Variants in SERPINB7 observed in about 807,000 individuals in gnomAD.
The protein encoded by SERPINB7 is serpin B7.
In SERPINB7, 31 loss-of-function variants were observed where a neutral mutation model predicts 37.4. That is an observed-to-expected ratio of 0.83 (90% CI 0.62 to 1.12). The LOEUF is 1.12. Ranked by LOEUF, SERPINB7 falls within the 50% of genes most tolerant of loss-of-function variation. The probability of loss-of-function intolerance (pLI) is 0.00; values close to 1 mark genes in which losing one functional copy is unlikely to be tolerated. For synonymous variants in SERPINB7, 163 were observed against 166.1 expected (o/e 0.98, Z 0.14); for missense variants, 521 against 455.3 (o/e 1.14, Z -1.31).
intron 7 of SERPINB7, 73 bp from the exon 8 acceptor site, chr18:63,804,164 G>A: frequency 1.8e-6 from 2 of 1,089,496 alleles, no homozygotes; most frequent in South Asian, 1.6e-5. Context: ...AGAAAACTAT[G>A]TATCTCTGTA....
chr18:63,762,398 A>G (rs2144586786), intron 1 of SERPINB7, among the ~76,000 whole-genome samples: 1 of 152,336 alleles, frequency 6.6e-6, no homozygotes, highest in South Asian at 2.1e-4. Context: ...TTGTAGGTTG[A>G]TTCAGAACTC....
chr18:63,792,314 T>A, intron 2 of SERPINB7, 79 bp from the exon 3 acceptor site: 1 of 1,049,272 alleles, frequency 9.5e-7, no homozygotes, highest in Non-Finnish European at 1.5e-6. Context: ...GAAAGAATAT[T>A]TTTATTTTTA....
At chr18:63,770,559 C>T (rs1004279772), upstream of SERPINB7, among the ~76,000 whole-genome samples, 1 of 151,924 alleles carries the variant, frequency 6.6e-6, no homozygotes, top group Non-Finnish European at 1.5e-5. Flanking sequence ...AACTTTTACT[C>T]AGGAATTAAT....
upstream of SERPINB7, among the ~76,000 whole-genome samples, chr18:63,772,041 C>T (rs147075641): frequency 4.8e-4 from 73 of 151,604 alleles, no homozygotes; most frequent in African/African-American, 1.6e-3. Flanking sequence ...TCGGCAGGGA[C>T]GTTGTATAGA....
At chr18:63,789,397 AATTATAATGATG>A (rs2049404020) in intron 2 of SERPINB7, among the ~76,000 whole-genome samples, 1 of 152,212 alleles carries the variant, frequency 6.6e-6, no homozygotes, top group Non-Finnish European at 1.5e-5. Flanking sequence ...AGGATGAAAC[AATTATAATGATG>A]TAGTCCAAAG....
chr18:63,761,100 G>C (rs2049151160), intron 1 of SERPINB7, among the ~76,000 whole-genome samples: 1 of 152,212 alleles, frequency 6.6e-6, no homozygotes. Context: ...GGCCATGAAA[G>C]CAGCTGGGAG....
chr18:63,758,432 C>T (rs1017176947), intron 1 of SERPINB7, among the ~76,000 whole-genome samples: 1 of 152,176 alleles, frequency 6.6e-6, no homozygotes, highest in African/African-American at 2.4e-5. Context: ...AGCAAAAATT[C>T]ATGAACCCTT....
At chr18:63,759,206 T>A (rs927901770) in intron 1 of SERPINB7, among the ~76,000 whole-genome samples, 2 of 152,080 alleles carry the variant, frequency 1.3e-5, no homozygotes, top group Non-Finnish European at 2.9e-5. Flanking sequence ...GTTTAACTAT[T>A]AAATGTATTG....
At chr18:63,790,617 G>A (rs1317684361) in intron 2 of SERPINB7, among the ~76,000 whole-genome samples, 5 of 152,082 alleles carry the variant, frequency 3.3e-5, no homozygotes, top group South Asian at 4.1e-4. Context: ...GGATAATATC[G>A]AATATTAGAG....
At position 63,792,401 on chromosome 18, in the gene SERPINB7, T is replaced by C; in HGVS notation, c.177T>C (p.His59=). 1 of 1,602,554 alleles carries C rather than the reference T, an allele frequency of 6.2e-7. No homozygotes were observed. The highest frequency in any genetic ancestry group is 8.6e-7 in the Non-Finnish European group (1 of 1,169,542). The change falls in exon 3 of 8, where the codon CAT becomes CAC. Residue 59 remains histidine, a synonymous_variant. Transcript: ENST00000398019. ...TTGTGCCCTGTTTACAGTTGCTTCA[T>C]GTTAACACTGCCTCAGGATATGGAA... The part of the protein sequence containing the change: ...DSLSQIDKLL[H]VNTASGYGNS...
chr18:63,753,459 T>C (rs1670007804), intron 1 of SERPINB7, among the ~76,000 whole-genome samples: 1 of 152,244 alleles, frequency 6.6e-6, no homozygotes, highest in Admixed American at 6.5e-5. Flanking sequence ...GACGGCTGAA[T>C]AGACCCCTAA....
intron 2 of SERPINB7, among the ~76,000 whole-genome samples, chr18:63,782,861 G>T (rs1274703537): frequency 1.3e-5 from 2 of 152,082 alleles, no homozygotes; most frequent in Non-Finnish European, 2.9e-5. Flanking sequence ...AATGCTGGCC[G>T]GGCGCGGTGG....
chr18:63,804,616 G>A lies in SERPINB7; in HGVS notation c.1124G>A (p.Gly375Asp), dbSNP rs1263955456. The change falls in exon 8 of 8, where the codon GGC (glycine) becomes GAC (aspartate). Residue 375 changes from glycine (G) to aspartate (D), a missense_variant. Gly to Asp is a moderately conservative substitution (Grantham distance 94, BLOSUM62 -1). Transcript: ENST00000398019. ...AAGGATGACATCATCTTATTCAGTG[G>A]CAAAGTTTCTTGCCCTTGAAAATCC... ...IRKDDIILFS[G>D]KVSCP 6.2e-7 allele frequency: 1 copy of A among 1,608,974 alleles called. No individual in the cohort carries two copies. The highest frequency in any genetic ancestry group is 8.5e-7 in the Non-Finnish European group (1 of 1,177,210).
intron 2 of SERPINB7, among the ~76,000 whole-genome samples, chr18:63,783,898 G>C (rs1461948573): frequency 2.0e-5 from 3 of 152,018 alleles, no homozygotes; most frequent in Non-Finnish European, 4.4e-5. Flanking sequence ...ATTTAAGCTA[G>C]AATAATTCCT....
At chr18:63,780,728 T>C (rs2049293589) in intron 1 of SERPINB7, among the ~76,000 whole-genome samples, 1 of 152,190 alleles carries the variant, frequency 6.6e-6, no homozygotes, top group Admixed American at 6.5e-5. Context: ...CTTATGTGCC[T>C]AGGGTGTAAC....
chr18:63,771,938 C>T (rs1489551268), upstream of SERPINB7, among the ~76,000 whole-genome samples: 2 of 151,492 alleles, frequency 1.3e-5, no homozygotes, highest in Admixed American at 6.6e-5. Flanking sequence ...CATAGGCACC[C>T]TAGGATCTAT....
At chr18:63,777,812 A>T (rs2049263433) in intron 1 of SERPINB7, 1 of 152,100 alleles carries the variant, frequency 6.6e-6, no homozygotes. Context: ...AACTTCCTCT[A>T]TGAAGACAGT....
At chr18:63,786,582 A>G (rs1397156879) in intron 2 of SERPINB7, among the ~76,000 whole-genome samples, 3 of 151,496 alleles carry the variant, frequency 2.0e-5, no homozygotes, top group Non-Finnish European at 4.4e-5. Flanking sequence ...TGGCATGAAT[A>G]TGCAGGTAGA....
At chr18:63,799,211 A>T (rs1056292085) in intron 6 of SERPINB7, among the ~76,000 whole-genome samples, 1 of 152,232 alleles carries the variant, frequency 6.6e-6, no homozygotes, top group Non-Finnish European at 1.5e-5. Flanking sequence ...AGTACAAGCC[A>T]TATGTATTTC....
Sources: allele counts gnomAD v4.1 joint callset (sites outside exome capture counted in the v4.1 genomes callset), GRCh38; gene constraint gnomAD v4.1.1; transcripts MANE v1.5; gene names NCBI Gene and HGNC (gene_info 2026-07-23, HGNC 2026-07-21).